Variants in ADCY2 observed in about 807,000 individuals in gnomAD.
ADCY2 encodes the protein adenylate cyclase type 2.
ADCY2 carries 31 observed loss-of-function variants against 125.2 expected under a neutral mutation model. The ratio of observed to expected loss-of-function variants is 0.25; its 90% CI spans 0.19 to 0.33. ADCY2 has a LOEUF of 0.33. Among genes scored for constraint, ADCY2 ranks in the 10% least tolerant of loss-of-function variants. ADCY2 has a pLI of 1.00. For missense variants in ADCY2, 904 were observed against 1,418.2 expected, an observed-to-expected ratio of 0.64 and a Z score of 5.82; for synonymous variants, 512 against 548.4, an observed-to-expected ratio of 0.93 and a Z score of 0.93.
At chr5:7,816,626 C>T (rs1426568327) in intron 22 of ADCY2, among the ~76,000 whole-genome samples, 1 of 152,246 alleles carries the variant, frequency 6.6e-6, no homozygotes, top group Admixed American at 6.5e-5. Flanking sequence ...CCGCATGATG[C>T]GTTTGGCCTG....
chr5:7,758,363 ACAT>A (rs2126460342), intron 16 of ADCY2, among the ~76,000 whole-genome samples: 1 of 152,190 alleles, frequency 6.6e-6, no homozygotes, highest in East Asian at 1.9e-4. Context: ...TATTGTTCTC[ACAT>A]CAGCAGCAGC....
rs1287500901 is a variant in ADCY2 at position 7,789,810 on chromosome 5, G to T, written c.2628+10G>T. On this transcript the variant is annotated intron_variant, in intron 20 of 24. Transcript: ENST00000338316. ...GAGCCTGAAGAATGAGGTCAGACCA[G>T]GGGGGCTGGGGGCTGGGGGAGGGGG... 3.3e-6 allele frequency: 5 copies of T among 1,526,460 alleles called. No homozygotes were observed. The highest frequency in any genetic ancestry group is 3.5e-6 in the Non-Finnish European group (4 of 1,140,970). 94.6% of individuals were successfully genotyped at this position (1,526,460 alleles called of 1,614,324 possible).
At chr5:7,686,371 A>G (rs569294268) in intron 4 of ADCY2, among the ~76,000 whole-genome samples, 1 of 152,350 alleles carries the variant, frequency 6.6e-6, no homozygotes, top group African/African-American at 2.4e-5. Flanking sequence ...CTCTTATATC[A>G]GACATAATTT....
chr5:7,446,884 C>T (rs1741280135), intron 2 of ADCY2, among the ~76,000 whole-genome samples: 1 of 152,188 alleles, frequency 6.6e-6, no homozygotes, highest in Non-Finnish European at 1.5e-5. Flanking sequence ...TACTCTTCTA[C>T]AATGTTCTTC....
intron 2 of ADCY2, among the ~76,000 whole-genome samples, chr5:7,490,899 A>G (rs1011272370): frequency 1.3e-5 from 2 of 152,226 alleles, no homozygotes; most frequent in Non-Finnish European, 2.9e-5. Context: ...GTGTCATTTA[A>G]TATGATACAA....
intron 24 of ADCY2, among the ~76,000 whole-genome samples, chr5:7,823,451 G>T (rs2126543557): frequency 6.6e-6 from 1 of 152,290 alleles, no homozygotes; most frequent in South Asian, 2.1e-4. Context: ...GCCAGAACAA[G>T]AATCGTGGGG....
At chr5:7,549,249 G>A (rs977742377) in intron 3 of ADCY2, among the ~76,000 whole-genome samples, 20 of 152,140 alleles carry the variant, frequency 1.3e-4, no homozygotes, top group Admixed American at 3.3e-4. Context: ...GTTGTGGATA[G>A]TGGGCTGCAG....
At chr5:7,558,373 G>A (rs947753685) in intron 3 of ADCY2, among the ~76,000 whole-genome samples, 4 of 152,038 alleles carry the variant, frequency 2.6e-5, no homozygotes, top group African/African-American at 9.7e-5. Context: ...TTTAATAATA[G>A]CCATTCTAAC....
intron 3 of ADCY2, among the ~76,000 whole-genome samples, chr5:7,574,539 C>T (rs1253738186): frequency 2.6e-5 from 4 of 152,234 alleles, no homozygotes; most frequent in Non-Finnish European, 4.4e-5. Context: ...ATATAAATAC[C>T]GTAGCTAACA....
intron 3 of ADCY2, among the ~76,000 whole-genome samples, chr5:7,551,824 G>T (rs1312326288): frequency 6.6e-6 from 1 of 152,104 alleles, no homozygotes; most frequent in Non-Finnish European, 1.5e-5. Flanking sequence ...ATTATTAACT[G>T]GTTGAAAAAG....
At chr5:7,698,533 C>G (rs757838080) in intron 7 of ADCY2, among the ~76,000 whole-genome samples, 159 bp downstream of exon 7, 1 of 152,174 alleles carries the variant, frequency 6.6e-6, no homozygotes, top group Non-Finnish European at 1.5e-5. Flanking sequence ...AATGCTATCC[C>G]TCCCCTCACC....
At chr5:7,493,960 G>C (rs1427066733) in intron 2 of ADCY2, among the ~76,000 whole-genome samples, 1 of 152,112 alleles carries the variant, frequency 6.6e-6, no homozygotes, top group African/African-American at 2.4e-5. Context: ...CCCGGTCCCG[G>C]TGGAAACCAG....
At position 7,479,326 on chromosome 5, in the gene ADCY2, C is replaced by G. The variant is rs1232576300; in HGVS notation, c.409-41412C>G. ...TGCTGGGATCATAACGTTATTTACT[C>G]AAATGTAAGAAGAAAATCCAACAAC... On this transcript the variant is annotated intron_variant, in intron 2 of 24. Coordinates refer to ENST00000338316, the MANE Select transcript of ADCY2 (RefSeq NM_020546.3). 2.0e-5 allele frequency among the ~76,000 whole-genome samples: 3 copies of G among 151,888 alleles called. No individual in the cohort carries two copies. The East Asian group carries it at 5.8e-4, about 29-fold the overall frequency.
chr5:7,743,855 C>T, intron 15 of ADCY2, 103 bp downstream of exon 15: 2 of 1,044,138 alleles, frequency 1.9e-6, no homozygotes, highest in East Asian at 2.4e-5. Context: ...TGCTTTACCA[C>T]TTCAAGAACT....
At chr5:7,615,659 C>T in intron 3 of ADCY2, among the ~76,000 whole-genome samples, 1 of 152,214 alleles carries the variant, frequency 6.6e-6, no homozygotes, top group South Asian at 2.1e-4. Context: ...CCAAGGCACC[C>T]AGGGGCACTC....
intron 5 of ADCY2, 77 bp from the exon 6 acceptor site, chr5:7,695,675 T>C (rs1166999495): frequency 1.2e-6 from 1 of 847,662 alleles, no homozygotes; most frequent in East Asian, 3.0e-5. Context: ...ATGATTTTAA[T>C]GGAAAAATTA....
intron 3 of ADCY2, among the ~76,000 whole-genome samples, chr5:7,624,993 G>T (rs1738074251): frequency 6.6e-6 from 1 of 152,156 alleles, no homozygotes; most frequent in South Asian, 2.1e-4. Flanking sequence ...ACACTAAAAA[G>T]ACCATTGTCA....
intron 2 of ADCY2, among the ~76,000 whole-genome samples, chr5:7,435,162 G>A (rs915928542): frequency 7.9e-5 from 12 of 152,144 alleles, no homozygotes; most frequent in African/African-American, 1.2e-4. Context: ...GTTGTGCCAC[G>A]GTCTTGGGCT....
intron 1 of ADCY2, among the ~76,000 whole-genome samples, chr5:7,410,400 A>G (rs548327841): frequency 6.6e-6 from 1 of 152,344 alleles, no homozygotes; most frequent in South Asian, 2.1e-4. Flanking sequence ...TGCGTGGAAA[A>G]ACATCTAAGA....
Sources: allele counts gnomAD v4.1 joint callset (sites outside exome capture counted in the v4.1 genomes callset), GRCh38; gene constraint gnomAD v4.1.1; transcripts MANE v1.5; gene names NCBI Gene and HGNC (gene_info 2026-07-23, HGNC 2026-07-21).